FGD1: variants seen among roughly 807,000 people sequenced by gnomAD.
FGD1 encodes the protein FYVE, RhoGEF and PH domain containing 1.
FGD1 carries 12 observed loss-of-function variants against 65.0 expected under a neutral mutation model. The ratio of observed to expected loss-of-function variants is 0.18; its 90% CI spans 0.12 to 0.30. The LOEUF (loss-of-function observed/expected upper bound fraction) is 0.30. Ranked by LOEUF, FGD1 falls within the 10% of genes least tolerant of loss-of-function variation. FGD1 has a pLI of 1.00. For synonymous variants in FGD1, 333 were observed against 343.9 expected (o/e 0.97, Z 0.35); for missense variants, 542 against 837.6 (o/e 0.65, Z 4.36).
chrX:54,471,756 A>T (rs1299916310), intron 1 of FGD1, among the ~76,000 whole-genome samples: 3 of 111,694 alleles, frequency 2.7e-5, no homozygotes, highest in Non-Finnish European at 5.6e-5. Flanking sequence ...AGGCAGTATC[A>T]CTAGGGAGTT....
At chrX:54,449,508 G>T in intron 14 of FGD1, 151 bp downstream of exon 14, 2 of 521,558 alleles carry the variant, frequency 3.8e-6, no homozygotes, top group Non-Finnish European at 6.6e-6. Context: ...TTTCTCTGTG[G>T]CCCTACCAAT....
At position 54,465,576 on chromosome X, in the gene FGD1, C is replaced by A; in HGVS notation, c.1511G>T (p.Cys504Phe). 1 of 1,208,988 alleles carries A rather than the reference C, an allele frequency of 8.3e-7. No homozygotes were observed. The highest frequency in any genetic ancestry group is 1.1e-6 in the Non-Finnish European group (1 of 894,267). Residue 504 changes from cysteine (C) to phenylalanine (F), a missense_variant, in exon 8 of 18, where the codon TGT (cysteine) becomes TTT (phenylalanine). Physicochemically the swap from Cys to Phe is radical, Grantham distance 205. Around this residue, in one of 6 missense-constraint regions of FGD1, gnomAD observed 41 missense variants for 109.5 expected, o/e 0.37. Transcript: ENST00000375135. Reference protein sequence around the residue: ...IIHEVQKEEACGNLTLQHHML... With the variant: ...IIHEVQKEEAFGNLTLQHHML... ...GTGGTGCTGCAATGTCAGGTTGCCACAGGCTTCCTCCTTCTGTGACAGGCA... is the reference window on the plus strand; with the variant it reads ...GTGGTGCTGCAATGTCAGGTTGCCAAAGGCTTCCTCCTTCTGTGACAGGCA...
At position 54,456,377 on chromosome X, in the gene FGD1, A is replaced by G. The variant is rs1247627927; in HGVS notation, c.1696-11T>C. The G allele has an allele frequency of 2.5e-6, 3 of 1,211,763 alleles. No homozygotes were observed. Among genetic ancestry groups the G allele is most frequent in the East Asian group, 5.9e-5 (2 of 33,826 alleles). ...CTTATGCATTCGCTCCTGGCAAAAG[A>G]CAGGGAACAAAAGGCACGGTTGGGG... is the stretch of plus-strand genomic sequence containing the variant. On this transcript the variant is annotated splice_polypyrimidine_tract_variant and intron_variant, in intron 9 of 17. Transcript: ENST00000375135.
In FGD1 at chrX:54,448,797, G is replaced by A; in HGVS notation, c.2436+9C>T. 1 of 1,210,563 alleles carries A rather than the reference G, an allele frequency of 8.3e-7. No individual in the cohort carries two copies. The highest frequency in any genetic ancestry group is 2.3e-4 in the Middle Eastern group (1 of 4,267). ...ACTGTGGGAGAGTTAGTCAGGGGCT[G>A]GCTCTTACCTCCAGGATGGACCTCC... On this transcript the variant is annotated intron_variant, in intron 16 of 17. Transcript: ENST00000375135.
At chrX:54,462,011 G>A (rs887095483) in intron 8 of FGD1, among the ~76,000 whole-genome samples, 1 of 111,075 alleles carries the variant, frequency 9.0e-6, no homozygotes, top group Non-Finnish European at 1.9e-5. Context: ...AGTATTCCAG[G>A]TGGGAAGAGG....
At position 54,449,719 on chromosome X, in the gene FGD1, C is replaced by T; in HGVS notation, c.2088G>A (p.Glu696=). ...TTGTTGAGTTCAACAGTTTGAAAGT[C>T]TCCAGCGTCTGTTCATGCTTCAGGA... is the stretch of plus-strand genomic sequence containing the variant. ...STLLKHEQTL[E]TFKLLNSTNR... Residue 696 remains glutamate, a synonymous_variant, in exon 14 of 18, where the codon GAG becomes GAA. Transcript: ENST00000375135. 2 of 1,209,068 alleles carry T rather than the reference C, an allele frequency of 1.7e-6. No individual in the cohort carries two copies. Among genetic ancestry groups the T allele is most frequent in the Admixed American group, 2.2e-5 (1 of 45,905 alleles).
chrX:54,492,032 G>A (rs1212051066), intron 1 of FGD1, among the ~76,000 whole-genome samples: 1 of 110,649 alleles, frequency 9.0e-6, no homozygotes, highest in Non-Finnish European at 1.9e-5. Flanking sequence ...GACATTCTAG[G>A]CCTCAACCCT....
intron 1 of FGD1, among the ~76,000 whole-genome samples, chrX:54,474,894 G>A (rs1428734716): frequency 1.8e-5 from 2 of 112,072 alleles, no homozygotes; most frequent in African/African-American, 6.5e-5. Flanking sequence ...GCCTCCTTGG[G>A]CCTGGAGGAG....
intron 1 of FGD1, among the ~76,000 whole-genome samples, chrX:54,479,319 C>T (rs1432192326): frequency 2.7e-5 from 3 of 111,404 alleles, no homozygotes; most frequent in Non-Finnish European, 5.6e-5. Flanking sequence ...GTAGCAGCCC[C>T]TCTCACTTCT....
rs1922894130 is a variant in FGD1 at position 54,471,457 on chromosome X, T to G, written c.338A>C (p.Lys113Thr). The change falls in exon 2 of 18, where the codon AAA becomes ACA. Residue 113 changes from lysine (K) to threonine (T), a missense_variant. Lys to Thr is a moderately conservative substitution (Grantham distance 78, BLOSUM62 -1). This residue lies in a region of FGD1 where 297 missense variants were observed against 326.8 expected (regional missense o/e 0.91). Coordinates refer to ENST00000375135, the MANE Select transcript of FGD1 (RefSeq NM_004463.3). ...TTGGCCAGGGTCAAGGGACAAACTT[T>G]TAACCAGGATCCGGTTTCCCTGGTG... is the stretch of plus-strand genomic sequence containing the variant. The part of the protein sequence containing the change: ...GLHQGNRILV[K>T]SLSLDPGQSL... 2 of 1,210,136 alleles carry G rather than the reference T, an allele frequency of 1.7e-6. No individual in the cohort carries two copies. Among genetic ancestry groups the G allele is most frequent in the Non-Finnish European group, 2.2e-6 (2 of 895,273 alleles).
intron 1 of FGD1, among the ~76,000 whole-genome samples, chrX:54,473,655 T>C (rs912831785): frequency 4.4e-5 from 5 of 112,412 alleles, no homozygotes; most frequent in Non-Finnish European, 9.4e-5. Context: ...ATTTACATTG[T>C]ATTAGGTATT....
At position 54,464,253 on chromosome X, in the gene FGD1, C is replaced by G. The variant is rs1922710056; in HGVS notation, c.1636+1198G>C. ...GGTTCAAGCAATTCTCCTGCCTCAG[C>G]CTCCCAAGTAGCTGGGATTACAGGT... On this transcript the variant is annotated intron_variant, in intron 8 of 17. Coordinates refer to ENST00000375135, the MANE Select transcript of FGD1 (RefSeq NM_004463.3). Among the ~76,000 whole-genome samples the G allele has an allele frequency of 2.8e-5, 3 of 107,911 alleles. No homozygotes were observed. In the South Asian group the frequency reaches 1.2e-3, roughly 44 times the overall value. 93.7% of individuals were successfully genotyped at this position (107,911 alleles called of 115,157 possible).
intron 1 of FGD1, among the ~76,000 whole-genome samples, chrX:54,493,551 C>G (rs1304837878): frequency 8.9e-6 from 1 of 111,751 alleles, no homozygotes; most frequent in Non-Finnish European, 1.9e-5. Context: ...ACATGCAAGA[C>G]GAGGAGCAAG....
intron 12 of FGD1, among the ~76,000 whole-genome samples, chrX:54,454,787 C>T (rs1398557101): frequency 9.0e-6 from 1 of 111,102 alleles, no homozygotes; most frequent in Non-Finnish European, 1.9e-5. Flanking sequence ...TATATGTGTG[C>T]AAATGTGTAT....
intron 1 of FGD1, 78 bp from the exon 2 acceptor site, chrX:54,471,565 T>A: frequency 2.1e-6 from 2 of 959,533 alleles, no homozygotes; most frequent in Non-Finnish European, 2.9e-6. Flanking sequence ...AGGACTGGCA[T>A]GTCTTAGCAG....
In FGD1 at chrX:54,446,331, A is replaced by G; in HGVS notation, c.2664T>C (p.His888=). ...PEAGERPDRR[H]VFKITQSHLS... ...GGTGGCTCTGGGTGATCTTGAAGACATGCCTTCTGTCAGGCCGCTCCCCTG... is the reference window on the plus strand; with the variant it reads ...GGTGGCTCTGGGTGATCTTGAAGACGTGCCTTCTGTCAGGCCGCTCCCCTG... The change falls in exon 18 of 18, where the codon CAT becomes CAC. Residue 888 remains histidine, a synonymous_variant. Coordinates refer to ENST00000375135, the MANE Select transcript of FGD1 (RefSeq NM_004463.3). 1 of 1,211,216 alleles carries G rather than the reference A, an allele frequency of 8.3e-7. No individual in the cohort carries two copies. The highest frequency in any genetic ancestry group is 1.1e-6 in the Non-Finnish European group (1 of 895,172).
At position 54,470,696 on chromosome X, in the gene FGD1, A is replaced by AG; in HGVS notation, c.545dup (p.Pro183SerfsTer34). On this transcript the variant is annotated frameshift_variant, in exon 3 of 18. Coordinates refer to ENST00000375135, the MANE Select transcript of FGD1 (RefSeq NM_004463.3). LOFTEE classifies it high-confidence loss of function. The stretch of plus-strand genomic sequence containing the variant: ...CGGCAGGCAGTGGGCGTGATGGTGG[A>AG]GGGGGGATGGGCTCCAGTGGGGGGG... The AG allele has an allele frequency of 3.9e-6, 1 of 257,003 alleles. No individual in the cohort carries two copies. Among genetic ancestry groups the AG allele is most frequent in the Non-Finnish European group, 5.4e-6 (1 of 183,501 alleles). The allele number at this position is 257,003 out of a possible 1,213,427, so 21.2% of individuals were successfully genotyped here.
At chrX:54,482,928 T>C (rs1490813295) in intron 1 of FGD1, among the ~76,000 whole-genome samples, 1 of 111,896 alleles carries the variant, frequency 8.9e-6, no homozygotes, top group Non-Finnish European at 1.9e-5. Context: ...GGTGACAATG[T>C]GCCATGCCAA....
chrX:54,447,165 C>A, intron 17 of FGD1, 146 bp downstream of exon 17: 1 of 635,114 alleles, frequency 1.6e-6, no homozygotes. Flanking sequence ...CTTTGTCTCT[C>A]AAGGGTTGGG....
Sources: gnomAD v4.1 joint callset for allele counts (sites outside exome capture counted in the v4.1 genomes callset) on GRCh38, gnomAD v4.1.1 for gene constraint, gnomAD v4.1.1 regional missense constraint, MANE v1.5 for transcripts, NCBI Gene and HGNC (gene_info 2026-07-23, HGNC 2026-07-21) for gene names.